The following SORCS3 variants were observed in gnomAD, a reference collection of about 807,000 sequenced individuals.
SORCS3 encodes the protein VPS10 domain-containing receptor SorCS3.
Under a neutral mutation model 146.3 loss-of-function variants are expected in SORCS3, and 57 were observed. The observed-to-expected ratio is 0.39, with a 90% CI of 0.31 to 0.49. The LOEUF (loss-of-function observed/expected upper bound fraction) is 0.49, where lower values mean the gene tolerates loss of function less well. Ranked by LOEUF, SORCS3 falls within the 20% of genes least tolerant of loss-of-function variation. The pLI is 0.92. For synonymous variants in SORCS3, 653 were observed against 618.5 expected, an observed-to-expected ratio of 1.06 and a Z score of -0.83; for missense variants, 1,341 against 1,575.5, an observed-to-expected ratio of 0.85 and a Z score of 2.52.
intron 1 of SORCS3, among the ~76,000 whole-genome samples, chr10:104,737,892 G>T (rs1382663771): frequency 6.7e-6 from 1 of 149,408 alleles, no homozygotes; most frequent in East Asian, 2.0e-4. Context: ...TTTCTTCTAG[G>T]GTTTTTATGG....
At chr10:105,114,004 C>T (rs1454459944) in intron 7 of SORCS3, among the ~76,000 whole-genome samples, 5 of 152,100 alleles carry the variant, frequency 3.3e-5, no homozygotes, top group Non-Finnish European at 5.9e-5. Context: ...TATGGAGTAG[C>T]GTTTCTAGTG....
chr10:104,675,078 C>T (rs552441173), intron 1 of SORCS3, among the ~76,000 whole-genome samples: 1 of 152,346 alleles, frequency 6.6e-6, no homozygotes, highest in African/African-American at 2.4e-5. Flanking sequence ...CTACTCCCTC[C>T]AGCAATGGAT....
At chr10:104,954,456 G>A (rs1439619323) in intron 3 of SORCS3, among the ~76,000 whole-genome samples, 1 of 152,214 alleles carries the variant, frequency 6.6e-6, no homozygotes, top group Non-Finnish European at 1.5e-5. Context: ...TGTATAGTAA[G>A]TGCCTGTATA....
At chr10:105,094,069 A>T (rs2055728972) in intron 6 of SORCS3, among the ~76,000 whole-genome samples, 1 of 152,208 alleles carries the variant, frequency 6.6e-6, no homozygotes, top group African/African-American at 2.4e-5. Context: ...GAAACAACAC[A>T]TGAATTTTAA....
At chr10:104,864,066 A>G (rs1311232956) in intron 2 of SORCS3, among the ~76,000 whole-genome samples, 2 of 152,172 alleles carry the variant, frequency 1.3e-5, no homozygotes, top group Non-Finnish European at 2.9e-5. Flanking sequence ...TGTGCCAGGA[A>G]TGGGTATTTT....
chr10:104,738,214 C>A (rs2016799397), intron 1 of SORCS3, among the ~76,000 whole-genome samples: 1 of 152,146 alleles, frequency 6.6e-6, no homozygotes, highest in Non-Finnish European at 1.5e-5. Flanking sequence ...CGGCTTTGTT[C>A]TTTTGGCTTA....
chr10:104,797,440 G>C (rs1209221549), intron 1 of SORCS3, among the ~76,000 whole-genome samples: 2 of 152,012 alleles, frequency 1.3e-5, no homozygotes, highest in Non-Finnish European at 1.5e-5. Context: ...TGTTTGCTCA[G>C]CCAACCTTGG....
intron 4 of SORCS3, among the ~76,000 whole-genome samples, chr10:104,999,069 G>A (rs576846148): frequency 6.6e-6 from 1 of 151,722 alleles, no homozygotes; most frequent in East Asian, 1.9e-4. Context: ...TGGTGTAGAT[G>A]CATGCCCTCA....
chr10:104,975,087 G>C (rs908612130), intron 3 of SORCS3, among the ~76,000 whole-genome samples: 1 of 152,054 alleles, frequency 6.6e-6, no homozygotes, highest in African/African-American at 2.4e-5. Flanking sequence ...AGGAAATAAA[G>C]GGTATTCAAT....
intron 13 of SORCS3, among the ~76,000 whole-genome samples, chr10:105,173,890 G>T (rs11192353): frequency 0.099 from 15,074 of 152,160 alleles, 897 homozygotes; most frequent in Admixed American, 0.16. Context: ...AGATTTCAGT[G>T]TAAATGTCAC....
At chr10:104,693,487 C>T (rs1049389320) in intron 1 of SORCS3, among the ~76,000 whole-genome samples, 3 of 152,164 alleles carry the variant, frequency 2.0e-5, no homozygotes, top group Non-Finnish European at 2.9e-5. Flanking sequence ...AACCAATATA[C>T]TGCACTTTCT....
At chr10:104,644,319 C>A (rs557777008) in intron 1 of SORCS3, among the ~76,000 whole-genome samples, 1 of 152,372 alleles carries the variant, frequency 6.6e-6, no homozygotes, top group Admixed American at 6.5e-5. Flanking sequence ...CTAGGCTGGA[C>A]CTGTCTCTTC....
At chr10:104,758,217 G>A (rs79651759) in intron 1 of SORCS3, among the ~76,000 whole-genome samples, 1 of 59,434 alleles carries the variant, frequency 1.7e-5, no homozygotes, top group Admixed American at 1.7e-4. Context: ...TTAGGCCCTC[G>A]GTGTGTTTGG....
Position 105,001,032 on chromosome 10 carries a change from C to T in SORCS3, c.954+23539C>T, listed in dbSNP as rs144865495. Among the ~76,000 whole-genome samples, 395 of 152,242 alleles carry T rather than the reference C, an allele frequency of 2.6e-3. 2 individuals are homozygous for T. The highest frequency in any genetic ancestry group is 8.9e-3 in the African/African-American group (370 of 41,536). ...TTAAGATTTTTGAATTATACTTTAT[C>T]TATTAGATCAAAATGTTTGTTGGGA... On this transcript the variant is annotated intron_variant, in intron 4 of 26. Coordinates refer to ENST00000369701, the MANE Select transcript of SORCS3 (RefSeq NM_014978.3).
At chr10:104,645,386 G>C (rs1357547939) in intron 1 of SORCS3, among the ~76,000 whole-genome samples, 1 of 152,142 alleles carries the variant, frequency 6.6e-6, no homozygotes, top group Non-Finnish European at 1.5e-5. Flanking sequence ...CAGTGAGTTG[G>C]CAAATGGCTC....
At chr10:104,770,591 G>C (rs1308699999) in intron 1 of SORCS3, among the ~76,000 whole-genome samples, 2 of 152,078 alleles carry the variant, frequency 1.3e-5, no homozygotes, top group African/African-American at 4.8e-5. Context: ...AGGCCATAGT[G>C]GGCAGATTGC....
chr10:105,223,609 C>T (rs1484490658), intron 20 of SORCS3, among the ~76,000 whole-genome samples: 3 of 152,124 alleles, frequency 2.0e-5, no homozygotes, highest in Admixed American at 6.5e-5. Flanking sequence ...ATTAAGTAGC[C>T]CTATCTGTCT....
At chr10:104,978,551 A>G (rs1446611957) in intron 4 of SORCS3, among the ~76,000 whole-genome samples, 1 of 152,166 alleles carries the variant, frequency 6.6e-6, no homozygotes, top group African/African-American at 2.4e-5. Context: ...AAAATTAGAA[A>G]CCTAGGGAGT....
At chr10:105,258,601 G>A (rs112063373) in intron 25 of SORCS3, among the ~76,000 whole-genome samples, 242 of 152,272 alleles carry the variant, frequency 1.6e-3, no homozygotes, top group Non-Finnish European at 2.5e-3. Context: ...GATACTTAAG[G>A]ATCACTTATA....
Sources: allele counts gnomAD v4.1 joint callset (sites outside exome capture counted in the v4.1 genomes callset), GRCh38; gene constraint gnomAD v4.1.1; transcripts MANE v1.5; gene names NCBI Gene and HGNC (gene_info 2026-07-23, HGNC 2026-07-21).